The following CAMTA1 variants were observed in gnomAD, a reference collection of about 807,000 sequenced individuals.
CAMTA1 encodes calmodulin binding transcription activator 1, also known as calmodulin-binding transcription activator 1.
CAMTA1 carries 27 observed loss-of-function variants against 170.9 expected under a neutral mutation model. The observed-to-expected ratio is 0.16, with a 90% CI of 0.12 to 0.22. The LOEUF is 0.22. Among genes scored for constraint, CAMTA1 ranks in the 10% least tolerant of loss-of-function variants. The probability of loss-of-function intolerance (pLI) is 1.00; values close to 1 mark genes in which losing one functional copy is unlikely to be tolerated. For missense variants in CAMTA1, 1,619 were observed against 2,217.2 expected (o/e 0.73, Z 5.42); for synonymous variants, 833 against 891.5 (o/e 0.93, Z 1.17).
intron 5 of CAMTA1, among the ~76,000 whole-genome samples, chr1:7,332,756 G>T (rs1369168045): frequency 6.6e-6 from 1 of 152,186 alleles, no homozygotes; most frequent in Admixed American, 6.5e-5. Context: ...CTGTCTGCAG[G>T]CTGAGCAAAG....
In CAMTA1 at chr1:6,785,554, G is replaced by T; in HGVS notation, c.24G>T (p.Trp8Cys). 3 of 1,078,208 alleles carry T rather than the reference G, an allele frequency of 2.8e-6. No homozygotes were observed. Among genetic ancestry groups the T allele is most frequent in the Non-Finnish European group, 3.4e-6 (3 of 873,032 alleles). 66.8% of individuals were successfully genotyped at this position (1,078,208 alleles called of 1,614,324 possible). A position where few individuals can be genotyped will look rare whatever the true frequency, so the allele number is the denominator to read the frequency against. The change falls in exon 1 of 23, where the codon TGG (tryptophan) becomes TGT (cysteine). Residue 8 changes from tryptophan (W) to cysteine (C), a missense_variant. Physicochemically the swap from Trp to Cys is radical, Grantham distance 215 (BLOSUM62 -2). Transcript: ENST00000303635. ...GGATGTGGCGCGCGGAGGGGAAATG[G>T]CTGCCGAAAACAAGCCGGAAGGTAA... Reference protein sequence around the residue: MWRAEGKWLPKTSRKSVS... With the variant: MWRAEGKCLPKTSRKSVS...
intron 8 of CAMTA1, among the ~76,000 whole-genome samples, chr1:7,663,148 G>A (rs1243163445): frequency 6.6e-6 from 1 of 152,206 alleles, no homozygotes; most frequent in East Asian, 1.9e-4. Flanking sequence ...AGGGGCGTGG[G>A]ACGGCCCCCG....
chr1:7,706,756 G>C (rs12120907), intron 11 of CAMTA1, among the ~76,000 whole-genome samples: 12,128 of 152,186 alleles, frequency 0.08, 592 homozygotes, highest in Admixed American at 0.13. Flanking sequence ...AGGTCGTCCT[G>C]ATTAATTATA....
rs112348814 is a variant in CAMTA1 at position 7,056,198 on chromosome 1, C to T, written c.235-35106C>T. Among the ~76,000 whole-genome samples the T allele has an allele frequency of 7.2e-3, 1,103 of 152,314 alleles. 12 individuals are homozygous for T. Among genetic ancestry groups the T allele is most frequent in the African/African-American group, 0.025 (1,037 of 41,584 alleles). ...GACAGCTCAGGTGATGTGGGTTACA[C>T]AGCTTTAGGCTCAGTCCTCATCTGG... On this transcript the variant is annotated intron_variant, in intron 3 of 22. Coordinates refer to ENST00000303635, the MANE Select transcript of CAMTA1 (RefSeq NM_015215.4).
chr1:6,865,178 T>C (rs1157872279), intron 3 of CAMTA1, among the ~76,000 whole-genome samples: 1 of 152,196 alleles, frequency 6.6e-6, no homozygotes, highest in Non-Finnish European at 1.5e-5. Flanking sequence ...AAAAAGTACT[T>C]GAATTTATTT....
intron 5 of CAMTA1, among the ~76,000 whole-genome samples, chr1:7,334,965 G>A (rs190599863): frequency 5.6e-4 from 85 of 152,226 alleles, no homozygotes; most frequent in African/African-American, 2.0e-3. Context: ...TTTGCACTCC[G>A]CGGACAATTT....
intron 6 of CAMTA1, among the ~76,000 whole-genome samples, chr1:7,558,907 A>G (rs2094919436): frequency 6.6e-6 from 1 of 152,242 alleles, no homozygotes; most frequent in Non-Finnish European, 1.5e-5. Flanking sequence ...AAGACCCATA[A>G]TCCTGCAAGC....
intron 3 of CAMTA1, among the ~76,000 whole-genome samples, chr1:6,898,222 A>AT (rs1557784761): frequency 6.6e-6 from 1 of 152,186 alleles, no homozygotes; most frequent in African/African-American, 2.4e-5. Context: ...TACTAGATCC[A>AT]TCTGTTGCCC....
intron 3 of CAMTA1, among the ~76,000 whole-genome samples, chr1:6,851,237 C>G (rs1312163821): frequency 6.6e-6 from 1 of 152,090 alleles, no homozygotes; most frequent in Non-Finnish European, 1.5e-5. Context: ...ACCACCCCCT[C>G]CCCAGTAGAA....
Position 6,820,203 on chromosome 1 carries a change from G to A in CAMTA1, c.68G>A (p.Cys23Tyr). The A allele has an allele frequency of 6.2e-7, 1 of 1,608,126 alleles. No homozygotes were observed. Among genetic ancestry groups the A allele is most frequent in the Non-Finnish European group, 8.5e-7 (1 of 1,174,598 alleles). Residue 23 changes from cysteine (C) to tyrosine (Y), a missense_variant, in exon 2 of 23, where the codon TGC becomes TAC. Around this residue, in one of 8 missense-constraint regions of CAMTA1, gnomAD observed 61 missense variants for 57.7 expected, o/e 1.06. Transcript: ENST00000303635. ...TAGAGCGTTTCCCAAAGTGTATTCT[G>A]CGGAACTAGCACCTACTGTGTTCTC... The part of the protein sequence containing the change: ...SRKSVSQSVF[C>Y]GTSTYCVLNT...
intron 4 of CAMTA1, among the ~76,000 whole-genome samples, chr1:7,095,557 A>G (rs2148181533): frequency 6.6e-6 from 1 of 152,336 alleles, no homozygotes; most frequent in East Asian, 1.9e-4. Flanking sequence ...ATCTCACTGC[A>G]AAGCCCATAC....
chr1:7,705,590 C>T (rs1295491357), intron 11 of CAMTA1, among the ~76,000 whole-genome samples: 8 of 151,664 alleles, frequency 5.3e-5, no homozygotes, highest in African/African-American at 1.7e-4. Flanking sequence ...TTGGGGCGCT[C>T]GGCTTCTCCT....
chr1:7,506,634 C>A (rs2094117355), intron 6 of CAMTA1, among the ~76,000 whole-genome samples: 1 of 151,994 alleles, frequency 6.6e-6, no homozygotes, highest in African/African-American at 2.4e-5. Flanking sequence ...GTTCAACATT[C>A]ACACTAACAC....
chr1:7,397,299 T>G (rs550879571), intron 5 of CAMTA1, among the ~76,000 whole-genome samples: 1 of 152,304 alleles, frequency 6.6e-6, no homozygotes, highest in Admixed American at 6.5e-5. Context: ...AATAGTCTCT[T>G]ATGATCCTTT....
At chr1:6,785,891 C>T (rs1488308000) in intron 1 of CAMTA1, among the ~76,000 whole-genome samples, 2 of 148,246 alleles carry the variant, frequency 1.3e-5, no homozygotes, top group Admixed American at 6.7e-5. Flanking sequence ...GGAGGGCCGG[C>T]GCCTCCCCCA....
At chr1:7,454,672 C>T (rs78343895) in intron 5 of CAMTA1, among the ~76,000 whole-genome samples, 3,904 of 152,204 alleles carry the variant, frequency 0.026, 135 homozygotes, top group African/African-American at 0.076. Context: ...CCTCTACCCC[C>T]GCTTCGTCCT....
intron 6 of CAMTA1, among the ~76,000 whole-genome samples, chr1:7,557,629 G>A (rs557022347): frequency 1.8e-4 from 27 of 152,326 alleles, no homozygotes; most frequent in Non-Finnish European, 3.2e-4. Flanking sequence ...CTCAGTGGGC[G>A]GATTTGGCCC....
chr1:6,815,543 A>G (rs956847187), intron 1 of CAMTA1, among the ~76,000 whole-genome samples: 5 of 152,206 alleles, frequency 3.3e-5, no homozygotes, highest in Non-Finnish European at 4.4e-5. Context: ...ACTATACTTG[A>G]GTAACCATCC....
intron 16 of CAMTA1, among the ~76,000 whole-genome samples, chr1:7,739,207 G>T (rs1422141755): frequency 6.8e-6 from 1 of 146,372 alleles, no homozygotes; most frequent in Non-Finnish European, 1.5e-5. Flanking sequence ...TAAAACAAAC[G>T]TAAAAGGGAA....
Sources: gnomAD v4.1 joint callset for allele counts (sites outside exome capture counted in the v4.1 genomes callset) on GRCh38, gnomAD v4.1.1 for gene constraint, gnomAD v4.1.1 regional missense constraint, MANE v1.5 for transcripts, NCBI Gene and HGNC (gene_info 2026-07-23, HGNC 2026-07-21) for gene names.